The following NPNT variants were observed in gnomAD, a reference collection of about 807,000 sequenced individuals.
The protein encoded by NPNT is nephronectin.
In NPNT, 45 loss-of-function variants were observed where a neutral mutation model predicts 68.6. The observed-to-expected ratio is 0.66, with a 90% confidence interval of 0.52 to 0.84. The LOEUF is 0.84. Ranked by LOEUF, NPNT falls within the 40% of genes least tolerant of loss-of-function variation. The pLI is 0.00. For synonymous variants in NPNT, 233 were observed against 253.3 expected (o/e 0.92, Z 0.76); for missense variants, 672 against 714.8 (o/e 0.94, Z 0.68).
chr4:105,928,957 T>G (rs1728903524), intron 3 of NPNT, among the ~76,000 whole-genome samples: 1 of 152,176 alleles, frequency 6.6e-6, no homozygotes, highest in South Asian at 2.1e-4. Flanking sequence ...TTATTTTTAT[T>G]TTTTTAATTT....
intron 2 of NPNT, among the ~76,000 whole-genome samples, chr4:105,899,916 A>C (rs907044333): frequency 3.9e-5 from 6 of 152,232 alleles, no homozygotes; most frequent in African/African-American, 1.4e-4. Flanking sequence ...AGTAAGCTTG[A>C]AGGGGCAGAA....
chr4:105,923,684 C>T (rs1728440004), intron 2 of NPNT, among the ~76,000 whole-genome samples: 1 of 152,102 alleles, frequency 6.6e-6, no homozygotes, highest in Admixed American at 6.6e-5. Flanking sequence ...TAGGCGAGAA[C>T]ACAGAACAAG....
At chr4:105,923,733 G>C (rs566383304) in intron 2 of NPNT, among the ~76,000 whole-genome samples, 1 of 152,020 alleles carries the variant, frequency 6.6e-6, no homozygotes, top group Non-Finnish European at 1.5e-5. Context: ...GCATTCCAAA[G>C]CCCCACCCCA....
intron 8 of NPNT, among the ~76,000 whole-genome samples, chr4:105,955,381 A>T (rs982253442): frequency 6.6e-6 from 1 of 152,190 alleles, no homozygotes. Flanking sequence ...GAATTTCACA[A>T]ACATATTTCA....
intron 10 of NPNT, among the ~76,000 whole-genome samples, chr4:105,962,572 TG>T (rs1731803210): frequency 6.6e-6 from 1 of 152,090 alleles, no homozygotes; most frequent in Non-Finnish European, 1.5e-5. Flanking sequence ...AGATGAAAGT[TG>T]GATTAGAAAA....
Position 105,942,378 on chromosome 4 carries a change from G to C in NPNT, c.835G>C (p.Gly279Arg). 1.2e-6 allele frequency: 2 copies of C among 1,613,430 alleles called. No individual in the cohort carries two copies. The highest frequency in any genetic ancestry group is 1.7e-6 in the Non-Finnish European group (2 of 1,179,616). The change falls in exon 8 of 12, where the codon GGT becomes CGT. Residue 279 changes from glycine to arginine, a missense_variant. Physicochemically the swap from Gly to Arg is moderately radical, Grantham distance 125. Transcript: ENST00000379987. ...VPKGNGTILK[G>R]DTGNNNWIPD... ...AAAGGGAAATGGTACCATTTTAAAG[G>C]GTGACACAGGAAATAATAATTGGAT...
chr4:105,944,233 A>T (rs1730203111), intron 8 of NPNT, among the ~76,000 whole-genome samples: 1 of 151,904 alleles, frequency 6.6e-6, no homozygotes, highest in Admixed American at 6.6e-5. Flanking sequence ...TTTTCTCCTC[A>T]CCCCCTCTCT....
chr4:105,939,289 T>A (rs936979865), intron 5 of NPNT, among the ~76,000 whole-genome samples: 2 of 152,122 alleles, frequency 1.3e-5, no homozygotes, highest in Non-Finnish European at 2.9e-5. Context: ...TCATTAGCCA[T>A]GTGAAGAAAC....
At chr4:105,927,709 C>A in intron 3 of NPNT, 1 of 181,560 alleles carries the variant, frequency 5.5e-6, no homozygotes, top group Non-Finnish European at 1.2e-5. Flanking sequence ...TCTGGTACTC[C>A]TTGTTTTTCC....
chr4:105,933,510 G>A (rs968571050), intron 3 of NPNT, among the ~76,000 whole-genome samples: 1 of 151,998 alleles, frequency 6.6e-6, no homozygotes, highest in African/African-American at 2.4e-5. Context: ...AAGGAATTAG[G>A]GCAAAAGAAT....
intron 8 of NPNT, among the ~76,000 whole-genome samples, chr4:105,945,463 A>G (rs768914311): frequency 2.0e-5 from 3 of 152,146 alleles, no homozygotes; most frequent in Non-Finnish European, 4.4e-5. Flanking sequence ...TCCCTTAAAC[A>G]TCCTCTACTC....
chr4:105,904,597 CCTATCA>C (rs1726722075), intron 2 of NPNT, among the ~76,000 whole-genome samples: 1 of 152,176 alleles, frequency 6.6e-6, no homozygotes, highest in Admixed American at 6.5e-5. Flanking sequence ...TGGCTTCCTG[CCTATCA>C]TTTACTTGTA....
In NPNT at chr4:105,954,303, G is replaced by A. The variant is rs968243888; in HGVS notation, c.1160-4168G>A. On this transcript the variant is annotated intron_variant, in intron 8 of 11. Coordinates refer to ENST00000379987, the MANE Select transcript of NPNT (RefSeq NM_001033047.3). ...TTTCTTTTAGTTTATGCAGAAGGCT[G>A]TAAGAAGCAACAGGCAAGACATATC... Among the ~76,000 whole-genome samples the A allele has an allele frequency of 2.6e-5, 4 of 152,308 alleles. No homozygotes were observed. In the Middle Eastern group the frequency reaches 0.01, roughly 389 times the overall value.
intron 2 of NPNT, among the ~76,000 whole-genome samples, chr4:105,898,983 A>G (rs796142288): frequency 6.6e-5 from 10 of 152,136 alleles, no homozygotes; most frequent in African/African-American, 2.2e-4. Context: ...GGAGGCTTAG[A>G]GGAAGAGAGA....
intron 2 of NPNT, 41 bp from the exon 3 acceptor site, chr4:105,927,295 T>G (rs934880899): frequency 4.6e-6 from 6 of 1,294,602 alleles, no homozygotes; most frequent in East Asian, 4.6e-5. Flanking sequence ...GATTGGTGTT[T>G]CGTTGACCTA....
At chr4:105,954,539 G>A (rs1398557372) in intron 8 of NPNT, among the ~76,000 whole-genome samples, 3 of 152,106 alleles carry the variant, frequency 2.0e-5, no homozygotes, top group African/African-American at 4.8e-5. Context: ...ATCCTTCAGA[G>A]GCCGCCAGTT....
At position 105,950,560 on chromosome 4, in the gene NPNT, C is replaced by T. The variant is rs138334881; in HGVS notation, c.1159+7858C>T. On this transcript the variant is annotated intron_variant, in intron 8 of 11. Coordinates refer to ENST00000379987, the MANE Select transcript of NPNT (RefSeq NM_001033047.3). ...CTAAGTGATTATTGTGCCTCAGTCTCCTGAGTAGCTGGGATTACAGGCGTG... is the reference window on the plus strand; with the variant it reads ...CTAAGTGATTATTGTGCCTCAGTCTTCTGAGTAGCTGGGATTACAGGCGTG... Among the ~76,000 whole-genome samples, 579 of 152,218 alleles carry T rather than the reference C, an allele frequency of 3.8e-3. 2 individuals are homozygous for T. The highest frequency in any genetic ancestry group is 3.8e-3 in the Non-Finnish European group (259 of 68,012).
chr4:105,906,884 A>G (rs577307917), intron 2 of NPNT, among the ~76,000 whole-genome samples: 2 of 152,270 alleles, frequency 1.3e-5, no homozygotes, highest in East Asian at 3.9e-4. Flanking sequence ...ATTCATTTCC[A>G]TGCCAGTTAT....
chr4:105,966,147 A>G (rs1188991867), intron 10 of NPNT, among the ~76,000 whole-genome samples: 1 of 152,226 alleles, frequency 6.6e-6, no homozygotes, highest in Non-Finnish European at 1.5e-5. Flanking sequence ...ATAGATACAC[A>G]TGTTCAACAT....
Sources: allele counts gnomAD v4.1 joint callset (sites outside exome capture counted in the v4.1 genomes callset), GRCh38; gene constraint gnomAD v4.1.1; transcripts MANE v1.5; gene names NCBI Gene and HGNC (gene_info 2026-07-23, HGNC 2026-07-21).